The following H2BC18 variants were observed in gnomAD, a reference collection of about 807,000 sequenced individuals.
H2BC18 encodes the protein histone H2B type 2-F.
Under a neutral mutation model 6.3 loss-of-function variants are expected in H2BC18, and 8 were observed. The ratio of observed to expected loss-of-function variants is 1.28; its 90% CI spans 0.75 to 2.31. H2BC18 has a LOEUF of 2.31. Ranked by LOEUF, H2BC18 falls within the 30% of genes most tolerant of loss-of-function variation. The pLI is 0.00. For synonymous variants in H2BC18, 104 were observed against 78.1 expected, an observed-to-expected ratio of 1.33 and a Z score of -1.75; for missense variants, 106 against 174.5, an observed-to-expected ratio of 0.61 and a Z score of 2.21.
rs1182745811 is a variant in H2BC18 at position 149,804,147 on chromosome 1, GTTC to G, written c.377+7797_377+7799del. 3.9e-5 allele frequency among the ~76,000 whole-genome samples: 6 copies of G among 152,276 alleles called. No homozygotes were observed. In the East Asian group the frequency reaches 1.2e-3, roughly 29 times the overall value. On this transcript the variant is annotated intron_variant, in intron 1 of 1. Transcript: ENST00000545683. ...TAGATAATTTCTATTCCCTTGACTT[GTTC>G]TTATGTTAAATCCTCAAAATTAAGA...
intron 1 of H2BC18, chr1:149,792,086 G>GGGTA (rs782814826): frequency 0.041 from 5,927 of 144,866 alleles, 101 homozygotes; most frequent in East Asian, 0.099. Flanking sequence ...GCATACAAGG[G>GGGTA]GGTAACTCAT....
Position 149,790,677 on chromosome 1 carries a change from T to C in H2BC18, c.378-7417A>G, listed in dbSNP as rs1443234147. Among the ~76,000 whole-genome samples, 7 of 148,092 alleles carry C rather than the reference T, an allele frequency of 4.7e-5. No homozygotes were observed. The East Asian group carries it at 1.4e-3, about 30-fold the overall frequency. The stretch of plus-strand genomic sequence containing the variant: ...CATGACCCCCCCTTCTCTCTCTCTC[T>C]CTCCCTGCTTCCCTGCCTCCCTCCT... On this transcript the variant is annotated intron_variant, in intron 1 of 1. Coordinates refer to the H2BC18 transcript ENST00000545683.
intron 1 of H2BC18, chr1:149,792,894 C>G: frequency 7.9e-7 from 1 of 1,263,636 alleles, no homozygotes; most frequent in Non-Finnish European, 1.0e-6. Context: ...GGCGGCCCCC[C>G]AAAATCCCAA....
At chr1:149,800,858 G>A (rs1230943704) in intron 1 of H2BC18, among the ~76,000 whole-genome samples, 5 of 152,072 alleles carry the variant, frequency 3.3e-5, no homozygotes, top group East Asian at 1.9e-4. Flanking sequence ...GGCCAAGGTC[G>A]GTGGATCCCT....
chr1:149,784,268 C>G (rs1361639498), intron 1 of H2BC18: 27 of 1,610,882 alleles, frequency 1.7e-5, no homozygotes, highest in Non-Finnish European at 2.3e-5. Context: ...GTAATTATGA[C>G]TTGGACCAGG....
intron 1 of H2BC18, chr1:149,794,058 C>G (rs1553752538): frequency 1.8e-6 from 1 of 547,794 alleles, no homozygotes; most frequent in African/African-American, 1.9e-5. Context: ...CTCACTGCCA[C>G]CAGGCTTAGT....
At chr1:149,794,353 C>T (rs1286966328) in intron 1 of H2BC18, among the ~76,000 whole-genome samples, 7 of 151,512 alleles carry the variant, frequency 4.6e-5, no homozygotes, top group East Asian at 1.9e-4. Context: ...AGGAGGGGAA[C>T]GGGGTAGCAA....
chr1:149,788,739 A>C, intron 1 of H2BC18: 1 of 1,153,662 alleles, frequency 8.7e-7, no homozygotes, highest in Non-Finnish European at 1.2e-6. Flanking sequence ...GGTAAACTGC[A>C]TTACTAAAGG....
intron 1 of H2BC18, chr1:149,793,356 C>G: frequency 4.4e-6 from 5 of 1,138,308 alleles, no homozygotes; most frequent in Non-Finnish European, 5.5e-6. Context: ...GGAGCTGGCT[C>G]GGCGGGATCA....
chr1:149,785,407 C>CCTTTTT (rs1553750700), intron 1 of H2BC18, among the ~76,000 whole-genome samples: 1,084 of 74,370 alleles, frequency 0.015, 63 homozygotes, highest in Non-Finnish European at 0.025. Context: ...AGAGCTGTTT[C>CCTTTTT]GTTTTTTTTT....
At chr1:149,793,357 G>C (rs1216266110) in intron 1 of H2BC18, 18 of 1,137,698 alleles carry the variant, frequency 1.6e-5, no homozygotes, top group Admixed American at 4.6e-5. Context: ...GAGCTGGCTC[G>C]GCGGGATCAG....
At chr1:149,798,952 A>G (rs1160740070) in intron 1 of H2BC18, among the ~76,000 whole-genome samples, 14 of 148,190 alleles carry the variant, frequency 9.4e-5, no homozygotes, top group African/African-American at 3.0e-4. Context: ...TCTATATCCT[A>G]TTTATTTATA....
chr1:149,793,119 A>C lies in H2BC18; in HGVS notation c.378-9859T>G, dbSNP rs1478004682. 46 of 1,273,944 alleles carry C rather than the reference A, an allele frequency of 3.6e-5. No individual in the cohort carries two copies. In the African/African-American group the frequency reaches 5.5e-4, roughly 15 times the overall value. 78.9% of individuals were successfully genotyped at this position (1,273,944 alleles called of 1,614,324 possible). On this transcript the variant is annotated intron_variant, in intron 1 of 1. Coordinates refer to the H2BC18 transcript ENST00000545683. ...AAGCCCCGGGGATGCTGCCGGCCTC[A>C]GGTGCGCCCGGCCGAGCCTCCGCGG...
intron 1 of H2BC18, chr1:149,791,566 G>A (rs1553751943): frequency 6.2e-7 from 1 of 1,608,406 alleles, no homozygotes. Context: ...CTGCCCACTT[G>A]CTCCCCGTGA....
chr1:149,793,263 G>A (rs2091758438), intron 1 of H2BC18: 10 of 1,241,294 alleles, frequency 8.1e-6, no homozygotes, highest in Non-Finnish European at 1.0e-5. Flanking sequence ...GAGGGAGCGG[G>A]TGGGGAGTGG....
At chr1:149,809,550 C>T (rs2091953108), downstream of H2BC18, among the ~76,000 whole-genome samples, 1 of 145,750 alleles carries the variant, frequency 6.9e-6, no homozygotes, top group Non-Finnish European at 1.5e-5. Flanking sequence ...GGCAACCAGT[C>T]AACAAACTTT....
chr1:149,791,062 A>G (rs2091698215), intron 1 of H2BC18, among the ~76,000 whole-genome samples: 1 of 150,802 alleles, frequency 6.6e-6, no homozygotes, highest in Admixed American at 6.6e-5. Flanking sequence ...CCCTGTCTAT[A>G]CACCATATAG....
At chr1:149,800,765 T>C (rs2091859087) in intron 1 of H2BC18, among the ~76,000 whole-genome samples, 1 of 149,742 alleles carries the variant, frequency 6.7e-6, no homozygotes, top group African/African-American at 2.5e-5. Context: ...TTGAACCAAA[T>C]GACCGCACTC....
intron 1 of H2BC18, chr1:149,786,528 T>C (rs1402184819): frequency 2.6e-5 from 4 of 152,262 alleles, no homozygotes; most frequent in South Asian, 2.1e-4. Flanking sequence ...GGGAATTCAA[T>C]TGCAGCTCAC....
Sources: allele counts gnomAD v4.1 joint callset (sites outside exome capture counted in the v4.1 genomes callset), GRCh38; gene constraint gnomAD v4.1.1; transcripts MANE v1.5; gene names NCBI Gene and HGNC (gene_info 2026-07-23, HGNC 2026-07-21).